The following SCP2 variants were observed in gnomAD, a reference collection of about 807,000 sequenced individuals.
The protein encoded by SCP2 is SCP-2/3-oxoacyl-CoA thiolase.
SCP2 carries 48 observed loss-of-function variants against 71.4 expected under a neutral mutation model. The observed-to-expected ratio is 0.67, with a 90% CI of 0.53 to 0.86. The LOEUF (loss-of-function observed/expected upper bound fraction) is 0.86, where lower values mean the gene tolerates loss of function less well. Ranked by LOEUF, SCP2 falls within the 40% of genes least tolerant of loss-of-function variation. The pLI is 0.00. For missense variants in SCP2, 560 were observed against 655.6 expected (o/e 0.85, Z 1.59); for synonymous variants, 220 against 218.1 (o/e 1.01, Z -0.08).
At chr1:53,006,421 A>G (rs1660642356) in intron 11 of SCP2, among the ~76,000 whole-genome samples, 1 of 152,250 alleles carries the variant, frequency 6.6e-6, no homozygotes, top group Admixed American at 6.5e-5. Flanking sequence ...ACAGACTAAC[A>G]GCGGATCTCT....
At position 53,018,324 on chromosome 1, in the gene SCP2, A is replaced by AT. The variant is rs148789915; in HGVS notation, c.1235+3287dup. ...TCTACATATATTTATATCTGTATAC[A>AT]TTTTTTCTTAACTATCTGAGAGAAA... On this transcript the variant is annotated intron_variant, in intron 12 of 15. Coordinates refer to ENST00000371514, the MANE Select transcript of SCP2 (RefSeq NM_002979.5). Among the ~76,000 whole-genome samples the AT allele has an allele frequency of 6.2e-3, 948 of 152,134 alleles. 16 individuals are homozygous for AT. The highest frequency in any genetic ancestry group is 0.022 in the African/African-American group (911 of 41,496).
chr1:52,995,546 C>A, intron 11 of SCP2: 1 of 450,838 alleles, frequency 2.2e-6, no homozygotes, highest in Non-Finnish European at 4.4e-6. Flanking sequence ...GCTGTGGAAG[C>A]TAGCAGCATC....
intron 11 of SCP2, among the ~76,000 whole-genome samples, chr1:53,007,875 C>T (rs1370801019): frequency 2.0e-5 from 3 of 152,030 alleles, no homozygotes; most frequent in African/African-American, 4.8e-5. Flanking sequence ...AATTGATAGA[C>T]CGCTAGCAAG....
Position 52,995,272 on chromosome 1 carries a change from C to T in SCP2, c.1081+7136C>T, listed in dbSNP as rs577413404. On this transcript the variant is annotated intron_variant, in intron 11 of 15. Coordinates refer to ENST00000371514, the MANE Select transcript of SCP2 (RefSeq NM_002979.5). ...CGTGGTCGAGCCCTACAACATCACC[C>T]TCTCCATCCATCAGTCGGTAGAGAA... 2.3e-5 allele frequency: 11 copies of T among 488,590 alleles called. 1 individual carries two copies. In the East Asian group the frequency reaches 4.1e-4, roughly 18 times the overall value. 30.3% of individuals were successfully genotyped at this position (488,590 alleles called of 1,614,324 possible). A position where few individuals can be genotyped will look rare whatever the true frequency, so the allele number is the denominator to read the frequency against.
At chr1:53,027,852 A>G in intron 12 of SCP2, 117 bp from the exon 13 acceptor site, 1 of 654,914 alleles carries the variant, frequency 1.5e-6, no homozygotes, top group Non-Finnish European at 2.8e-6. Context: ...TTTGGATAAG[A>G]TTTGCAACAT....
At position 52,950,808 on chromosome 1, in the gene SCP2, ATT is replaced by A; in HGVS notation, c.254_255del (p.Ile85ThrfsTer8). 1 of 1,613,752 alleles carries A rather than the reference ATT, an allele frequency of 6.2e-7. No individual in the cohort carries two copies. The highest frequency in any genetic ancestry group is 8.5e-7 in the Non-Finnish European group (1 of 1,179,658). On this transcript the variant is annotated frameshift_variant, in exon 4 of 16. Transcript: ENST00000371514. LOFTEE classifies it high-confidence loss of function. ...CTATCACAGTTTGGGAATGACTGGA[ATT>A]CCTATAATCAATGTCAACAATAACT... ...AIYHSLGMTG[I>X]PIINVNNNCA...
At chr1:53,007,805 C>CA (rs1454118367) in intron 11 of SCP2, among the ~76,000 whole-genome samples, 1 of 151,794 alleles carries the variant, frequency 6.6e-6, no homozygotes, top group East Asian at 1.9e-4. Flanking sequence ...GATAGAGACA[C>CA]AAAAAAACCC....
intron 8 of SCP2, among the ~76,000 whole-genome samples, chr1:52,977,394 GT>G (rs1469418062): frequency 6.6e-6 from 1 of 152,170 alleles, no homozygotes; most frequent in Non-Finnish European, 1.5e-5. Flanking sequence ...GACTTCTTGT[GT>G]TTGCTACCTT....
intron 14 of SCP2, among the ~76,000 whole-genome samples, chr1:53,045,274 T>C (rs1172474062): frequency 6.6e-6 from 1 of 152,216 alleles, no homozygotes; most frequent in Non-Finnish European, 1.5e-5. Context: ...CATAGCTTGA[T>C]TTTATTTATT....
chr1:52,973,004 C>T (rs1298753265), intron 6 of SCP2, among the ~76,000 whole-genome samples: 1 of 152,158 alleles, frequency 6.6e-6, no homozygotes, highest in Non-Finnish European at 1.5e-5. Flanking sequence ...CTGATCCATC[C>T]TATTGATAGA....
intron 11 of SCP2, among the ~76,000 whole-genome samples, chr1:53,005,848 C>A (rs978309000): frequency 1.3e-5 from 2 of 152,080 alleles, no homozygotes; most frequent in African/African-American, 2.4e-5. Flanking sequence ...GGAGGATGTT[C>A]AAACCCATCG....
chr1:53,015,025 G>T lies in SCP2; in HGVS notation c.1217G>T (p.Gly406Val), dbSNP rs1557609632. Residue 406 changes from glycine (G) to valine (V), a missense_variant, in exon 12 of 16, where the codon GGT (glycine) becomes GTT (valine). By Grantham distance (109) the Gly-to-Val change is moderately radical. Transcript: ENST00000371514. ...GAVVVTLYKM[G>V]FPEAASSFRT... ...GTGGTTGTAACACTCTACAAGATGG[G>T]TTTTCCGGAAGCCGCCAGGTGAGTG... is the stretch of plus-strand genomic sequence containing the variant. The T allele has an allele frequency of 6.2e-7, 1 of 1,614,190 alleles. No individual in the cohort carries two copies. Among genetic ancestry groups the T allele is most frequent in the Admixed American group, 1.7e-5 (1 of 60,020 alleles).
intron 1 of SCP2, among the ~76,000 whole-genome samples, chr1:52,934,592 C>CTTT (rs771433635): frequency 0.033 from 952 of 29,058 alleles, 391 homozygotes; most frequent in Non-Finnish European, 0.05. Flanking sequence ...TTCCAGCTAA[C>CTTT]TTTTTTTTTT....
chr1:53,039,717 G>C (rs754254154), intron 14 of SCP2, among the ~76,000 whole-genome samples: 8 of 152,154 alleles, frequency 5.3e-5, no homozygotes, highest in African/African-American at 9.7e-5. Context: ...TCTAAGCATT[G>C]GAGTGTTCCA....
chr1:52,997,398 A>G (rs57274810), intron 11 of SCP2, among the ~76,000 whole-genome samples: 20,708 of 152,018 alleles, frequency 0.14, 2,042 homozygotes, highest in East Asian at 0.32. Context: ...CAAACTCCTG[A>G]CCTCAAATGA....
intron 10 of SCP2, among the ~76,000 whole-genome samples, chr1:52,987,267 T>C (rs1384895567): frequency 2.0e-5 from 3 of 152,102 alleles, no homozygotes; most frequent in Non-Finnish European, 4.4e-5. Flanking sequence ...AACCCATGGA[T>C]GCTGACTATA....
intron 13 of SCP2, among the ~76,000 whole-genome samples, chr1:53,029,303 G>A (rs532242424): frequency 9.0e-5 from 13 of 143,994 alleles, no homozygotes; most frequent in South Asian, 4.4e-4. Context: ...TCACTTTGTC[G>A]CCCAGAATGG....
At chr1:52,947,738 C>T (rs1402150306) in intron 2 of SCP2, among the ~76,000 whole-genome samples, 2 of 152,130 alleles carry the variant, frequency 1.3e-5, no homozygotes, top group African/African-American at 4.8e-5. Flanking sequence ...AGCTGTAAGA[C>T]TCTTCAGATT....
At chr1:52,979,069 T>C (rs1245364145) in intron 9 of SCP2, among the ~76,000 whole-genome samples, 6 of 152,180 alleles carry the variant, frequency 3.9e-5, no homozygotes, top group Non-Finnish European at 7.3e-5. Flanking sequence ...CTGGAAAATG[T>C]TTTTGTAACT....
Sources: gnomAD v4.1 joint callset for allele counts (sites outside exome capture counted in the v4.1 genomes callset) on GRCh38, gnomAD v4.1.1 for gene constraint, MANE v1.5 for transcripts, NCBI Gene and HGNC (gene_info 2026-07-23, HGNC 2026-07-21) for gene names.